The following UGT1A8 variants were observed in gnomAD, a reference collection of about 807,000 sequenced individuals.
UGT1A8 encodes UDP-glucuronosyltransferase 1A8.
UGT1A8 carries 39 observed loss-of-function variants against 45.3 expected under a neutral mutation model. The ratio of observed to expected loss-of-function variants is 0.86; its 90% confidence interval spans 0.67 to 1.12. UGT1A8 has a LOEUF of 1.12. UGT1A8 is among the 50% of genes most tolerant of loss of function. The probability of loss-of-function intolerance (pLI) is 0.00; values close to 1 mark genes in which losing one functional copy is unlikely to be tolerated. For synonymous variants in UGT1A8, 275 were observed against 249.2 expected (o/e 1.10, Z -0.97); for missense variants, 719 against 664.9 (o/e 1.08, Z -0.90).
In UGT1A8 at chr2:233,773,103, T is replaced by A. The variant is rs1559421928; in HGVS notation, c.*544T>A. ...CTTGGAGTGCACTGAGAACAGCATATGATTTCTTGCTTTGGGGAAAAAGAA... is the reference window on the plus strand; with the variant it reads ...CTTGGAGTGCACTGAGAACAGCATAAGATTTCTTGCTTTGGGGAAAAAGAA... On this transcript the variant is annotated 3_prime_UTR_variant, in exon 5 of 5. Transcript: ENST00000373450. The A allele has an allele frequency of 6.4e-6, 1 of 156,320 alleles. No individual in the cohort carries two copies. Among genetic ancestry groups the A allele is most frequent in the Non-Finnish European group, 1.4e-5 (1 of 70,266 alleles). 9.7% of individuals were successfully genotyped at this position (156,320 alleles called of 1,614,324 possible).
intron 1 of UGT1A8, chr2:233,636,898 AGTTT>A: frequency 6.2e-7 from 1 of 1,614,058 alleles, no homozygotes; most frequent in South Asian, 1.1e-5. Flanking sequence ...GCATTGCAGG[AGTTT>A]GTTTAATGAC....
At chr2:233,719,670 G>A (rs758623915) in intron 1 of UGT1A8, 19 of 1,613,900 alleles carry the variant, frequency 1.2e-5, no homozygotes, top group East Asian at 6.7e-5. Flanking sequence ...CTGTGCCAAC[G>A]GGAAGCCACT....
intron 1 of UGT1A8, chr2:233,637,453 G>T: frequency 6.6e-7 from 1 of 1,509,224 alleles, no homozygotes; most frequent in Non-Finnish European, 8.8e-7. Context: ...ACTGAACTGT[G>T]ATTTGACATT....
intron 1 of UGT1A8, among the ~76,000 whole-genome samples, chr2:233,638,502 A>G (rs1388655477): frequency 6.6e-6 from 1 of 152,214 alleles, no homozygotes; most frequent in African/African-American, 2.4e-5. Flanking sequence ...TGGAGCATAT[A>G]CTTCCAAAAT....
chr2:233,758,075 A>C (rs1280685172), intron 1 of UGT1A8, among the ~76,000 whole-genome samples: 1 of 152,176 alleles, frequency 6.6e-6, no homozygotes, highest in African/African-American at 2.4e-5. Flanking sequence ...TTCTGGGCCT[A>C]GTTCCTAGCA....
rs767124144 is a variant in UGT1A8, at chr2:233,672,270, A to G, written c.855+53708A>G. 6 of 1,614,000 alleles carry G rather than the reference A, an allele frequency of 3.7e-6. No individual in the cohort carries two copies. In the African/African-American group the frequency reaches 8.0e-5, roughly 22 times the overall value. On this transcript the variant is annotated intron_variant, in intron 1 of 4. Coordinates refer to ENST00000373450, the MANE Select transcript of UGT1A8 (RefSeq NM_019076.5). ...GTATATATTCTCTATTAATGGGTTC[A>G]TACAATGACATTTTTGACTTATTTT...
intron 1 of UGT1A8, among the ~76,000 whole-genome samples, chr2:233,700,896 C>CG (rs2075597942): frequency 6.6e-6 from 1 of 151,952 alleles, no homozygotes; most frequent in Non-Finnish European, 1.5e-5. Flanking sequence ...CAACAGTCCC[C>CG]GGTGTGTGAC....
intron 1 of UGT1A8, chr2:233,672,936 T>C: frequency 7.0e-7 from 1 of 1,419,008 alleles, no homozygotes; most frequent in Non-Finnish European, 9.3e-7. Context: ...CCAATGCGTG[T>C]ACTCGTCAGT....
Position 233,734,360 on chromosome 2 carries a change from C to A in UGT1A8, c.856-32674C>A, listed in dbSNP as rs565800937. 2.0e-5 allele frequency among the ~76,000 whole-genome samples: 3 copies of A among 152,192 alleles called. No homozygotes were observed. The East Asian group carries it at 5.8e-4, about 29-fold the overall frequency. On this transcript the variant is annotated intron_variant, in intron 1 of 4. Transcript: ENST00000373450. ...ATGGTAGTTTGTATTTCTGTGGGAT[C>A]GGTGGTGATATTGCCTTTACTATTT...
intron 1 of UGT1A8, among the ~76,000 whole-genome samples, chr2:233,735,882 G>T (rs1173866401): frequency 6.6e-6 from 1 of 152,160 alleles, no homozygotes; most frequent in Admixed American, 6.5e-5. Flanking sequence ...GAGATCTGCT[G>T]TTAGTCTGAT....
chr2:233,697,226 G>C (rs2075381121), intron 1 of UGT1A8, among the ~76,000 whole-genome samples: 1 of 152,028 alleles, frequency 6.6e-6, no homozygotes, highest in Non-Finnish European at 1.5e-5. Flanking sequence ...TCTTTGATGA[G>C]AGACTTTTTA....
At chr2:233,668,786 A>G (rs1304062467) in intron 1 of UGT1A8, among the ~76,000 whole-genome samples, 1 of 152,236 alleles carries the variant, frequency 6.6e-6, no homozygotes. Flanking sequence ...TGTTTTCTTT[A>G]GATGTCATTA....
intron 1 of UGT1A8, chr2:233,691,161 T>G: frequency 4.1e-6 from 4 of 985,750 alleles, no homozygotes; most frequent in Non-Finnish European, 4.8e-6. Flanking sequence ...GAAGGAAACC[T>G]GCCTAATGTC....
intron 1 of UGT1A8, among the ~76,000 whole-genome samples, chr2:233,739,298 C>T (rs11691827): frequency 0.094 from 14,308 of 152,206 alleles, 1,367 homozygotes; most frequent in African/African-American, 0.26. Flanking sequence ...CACTGGGGCA[C>T]TGCCTAGTGG....
chr2:233,690,197 T>G (rs1274270744), intron 1 of UGT1A8, among the ~76,000 whole-genome samples: 3 of 152,264 alleles, frequency 2.0e-5, no homozygotes, highest in African/African-American at 7.2e-5. Flanking sequence ...AAAATATTCA[T>G]AAATTCAATG....
intron 1 of UGT1A8, among the ~76,000 whole-genome samples, chr2:233,684,698 G>T (rs947223228): frequency 1.4e-4 from 21 of 151,966 alleles, no homozygotes; most frequent in African/African-American, 5.1e-4. Context: ...GATGTGGAAG[G>T]TTATGTATTA....
chr2:233,724,607 C>G (rs536726765), intron 1 of UGT1A8, among the ~76,000 whole-genome samples: 1,973 of 135,436 alleles, frequency 0.015, 114 homozygotes, highest in Non-Finnish European at 0.021. Context: ...GATGGGCGGC[C>G]GGGCAGAGAC....
At chr2:233,630,782 T>C (rs551688872) in intron 1 of UGT1A8, among the ~76,000 whole-genome samples, 10 of 151,828 alleles carry the variant, frequency 6.6e-5, no homozygotes, top group Admixed American at 2.0e-4. Context: ...GTTTGTTACA[T>C]AGGTAAACAT....
intron 1 of UGT1A8, chr2:233,713,514 A>T (rs763499114): frequency 2.8e-5 from 45 of 1,613,790 alleles, no homozygotes; most frequent in Admixed American, 5.0e-5. Flanking sequence ...TTTCTTGAGG[A>T]ACATTCCATG....
Sources: gnomAD v4.1 joint callset for allele counts (sites outside exome capture counted in the v4.1 genomes callset) on GRCh38, gnomAD v4.1.1 for gene constraint, MANE v1.5 for transcripts, NCBI Gene and HGNC (gene_info 2026-07-23, HGNC 2026-07-21) for gene names.